COL26A1: variants seen among roughly 807,000 people sequenced by gnomAD.
COL26A1 encodes the protein collagen alpha-1(XXVI) chain.
COL26A1 carries 41 observed loss-of-function variants against 59.3 expected under a neutral mutation model. That is an observed-to-expected ratio of 0.69 (90% confidence interval 0.54 to 0.90). The LOEUF (loss-of-function observed/expected upper bound fraction) is 0.90. COL26A1 is among the 40% of genes least tolerant of loss of function. The pLI is 0.00. For missense variants in COL26A1, 612 were observed against 602.3 expected (o/e 1.02, Z -0.17); for synonymous variants, 266 against 256.0 (o/e 1.04, Z -0.37).
At chr7:101,371,870 C>A (rs376965457) in intron 1 of COL26A1, among the ~76,000 whole-genome samples, 2 of 152,172 alleles carry the variant, frequency 1.3e-5, no homozygotes, top group East Asian at 3.9e-4. Flanking sequence ...GATCCATGAG[C>A]AAGAGTGGAA....
chr7:101,492,209 G>A (rs115724523), intron 3 of COL26A1, among the ~76,000 whole-genome samples: 3,357 of 151,994 alleles, frequency 0.022, 128 homozygotes, highest in African/African-American at 0.075. Flanking sequence ...GAATCTTGAC[G>A]GAAAACTACT....
At chr7:101,474,456 G>C (rs2130472747) in intron 3 of COL26A1, among the ~76,000 whole-genome samples, 1 of 152,002 alleles carries the variant, frequency 6.6e-6, no homozygotes. Context: ...GCCAGGTATG[G>C]TGTCACACAC....
At chr7:101,486,904 G>T (rs951800886) in intron 3 of COL26A1, among the ~76,000 whole-genome samples, 8 of 152,228 alleles carry the variant, frequency 5.3e-5, no homozygotes, top group Non-Finnish European at 1.0e-4. Flanking sequence ...AATCTCCAGG[G>T]AGGCCGTGGC....
intron 2 of COL26A1, among the ~76,000 whole-genome samples, chr7:101,428,125 C>T (rs1483695799): frequency 6.6e-6 from 1 of 152,030 alleles, no homozygotes; most frequent in Admixed American, 6.6e-5. Flanking sequence ...GAGGTGTCAA[C>T]TTAAGCAACA....
intron 1 of COL26A1, among the ~76,000 whole-genome samples, chr7:101,385,154 CAGAAACAACT>C (rs575867964): frequency 1.1e-3 from 156 of 147,390 alleles, no homozygotes; most frequent in Middle Eastern, 3.5e-3. Flanking sequence ...TGAAAACACC[CAGAAACAACT>C]AGAAACAATA....
At chr7:101,484,840 T>TTTAA (rs138487721) in intron 3 of COL26A1, among the ~76,000 whole-genome samples, 67,761 of 147,108 alleles carry the variant, frequency 0.46, 16,937 homozygotes, top group East Asian at 0.82. Flanking sequence ...TTTTTGTATT[T>TTTAA]TTAATTAATT....
chr7:101,551,238 T>TGGGGGGGGGGGGGGGGGGGGGGGGGCC, intron 10 of COL26A1, 95 bp downstream of exon 10: 1 of 491,352 alleles, frequency 2.0e-6, no homozygotes, highest in Non-Finnish European at 4.0e-6. Context: ...GGTGGGGGGG[T>TGGGGGGGGGGGGGGGGGGGGGGGGGCC]TCAGCCCTGG....
intron 2 of COL26A1, among the ~76,000 whole-genome samples, chr7:101,423,752 G>A (rs894502393): frequency 1.3e-5 from 2 of 151,238 alleles, no homozygotes; most frequent in Non-Finnish European, 2.9e-5. Flanking sequence ...AAGAAGGACC[G>A]GGGTCTTCGA....
At chr7:101,555,276 C>T (rs2130689935) in intron 11 of COL26A1, among the ~76,000 whole-genome samples, 1 of 152,322 alleles carries the variant, frequency 6.6e-6, no homozygotes, top group East Asian at 1.9e-4. Flanking sequence ...GAAATGGTGG[C>T]TTTCTCTGCT....
intron 3 of COL26A1, among the ~76,000 whole-genome samples, chr7:101,510,707 A>AG (rs1221470415): frequency 6.6e-6 from 1 of 151,334 alleles, no homozygotes; most frequent in Non-Finnish European, 1.5e-5. Flanking sequence ...TGAGGCTGGG[A>AG]GGGGGTCTCA....
At chr7:101,367,220 T>C (rs1791067765) in intron 1 of COL26A1, among the ~76,000 whole-genome samples, 1 of 152,194 alleles carries the variant, frequency 6.6e-6, no homozygotes, top group South Asian at 2.1e-4. Flanking sequence ...CAGGAGATGC[T>C]CTGGACTGAT....
chr7:101,485,713 A>T (rs1335177951), intron 3 of COL26A1, among the ~76,000 whole-genome samples: 2 of 152,086 alleles, frequency 1.3e-5, no homozygotes, highest in Admixed American at 1.3e-4. Flanking sequence ...AGACAGATGG[A>T]CAGTTCTGGC....
chr7:101,442,937 CTGTG>C (rs35488814), intron 2 of COL26A1, among the ~76,000 whole-genome samples: 2 of 151,908 alleles, frequency 1.3e-5, no homozygotes, highest in African/African-American at 2.4e-5. Context: ...GAGTGTGTGA[CTGTG>C]TGAGGGTGTG....
At chr7:101,508,655 T>C (rs150818615) in intron 3 of COL26A1, among the ~76,000 whole-genome samples, 6 of 152,184 alleles carry the variant, frequency 3.9e-5, no homozygotes, top group African/African-American at 1.4e-4. Flanking sequence ...AGAATCTTAT[T>C]TACAGGAACC....
intron 4 of COL26A1, among the ~76,000 whole-genome samples, chr7:101,536,856 GTGGCTGCTGCAGCTCCA>G (rs1584495277): frequency 6.6e-6 from 1 of 152,226 alleles, no homozygotes. Context: ...TGATTATAAA[GTGGCTGCTGCAGCTCCA>G]GGCATCACAT....
chr7:101,518,702 C>G (rs931604971), intron 3 of COL26A1, among the ~76,000 whole-genome samples: 17 of 152,338 alleles, frequency 1.1e-4, no homozygotes, highest in Middle Eastern at 3.4e-3. Flanking sequence ...AATTGAATCG[C>G]TGAAACCGGC....
chr7:101,363,664 G>T (rs1374038813), intron 1 of COL26A1, among the ~76,000 whole-genome samples: 5 of 151,870 alleles, frequency 3.3e-5, no homozygotes, highest in African/African-American at 9.7e-5. Flanking sequence ...CGGCTCCGGG[G>T]CTGCGGTGGT....
chr7:101,402,487 G>A (rs1792031481), intron 1 of COL26A1, among the ~76,000 whole-genome samples: 1 of 151,846 alleles, frequency 6.6e-6, no homozygotes. Context: ...GGTTGGGGCG[G>A]GATGATCTTT....
At chr7:101,451,704 C>CT (rs1783882319) in intron 3 of COL26A1, among the ~76,000 whole-genome samples, 2 of 128,486 alleles carry the variant, frequency 1.6e-5, no homozygotes, top group East Asian at 4.1e-4. Flanking sequence ...AAATCATTTG[C>CT]ATCTTTTTTT....
Sources: allele counts gnomAD v4.1 joint callset (sites outside exome capture counted in the v4.1 genomes callset), GRCh38; gene constraint gnomAD v4.1.1; transcripts MANE v1.5; gene names NCBI Gene and HGNC (gene_info 2026-07-23, HGNC 2026-07-21).